Variants in EXOC6B observed in about 807,000 individuals in gnomAD.
The protein encoded by EXOC6B is SEC15 homolog B.
In EXOC6B, 54 loss-of-function variants were observed where a neutral mutation model predicts 113.5. The ratio of observed to expected loss-of-function variants is 0.48; its 90% CI spans 0.38 to 0.60. The LOEUF (loss-of-function observed/expected upper bound fraction) is 0.60, where lower values mean the gene tolerates loss of function less well. Among genes scored for constraint, EXOC6B ranks in the 20% least tolerant of loss-of-function variants. The probability of loss-of-function intolerance (pLI) is 0.00; values close to 1 mark genes in which losing one functional copy is unlikely to be tolerated. For synonymous variants in EXOC6B, 357 were observed against 339.0 expected (o/e 1.05, Z -0.58); for missense variants, 797 against 977.5 (o/e 0.82, Z 2.46).
At chr2:72,532,301 T>A (rs1379753626) in intron 8 of EXOC6B, among the ~76,000 whole-genome samples, 1 of 152,182 alleles carries the variant, frequency 6.6e-6, no homozygotes, top group East Asian at 1.9e-4. Flanking sequence ...ATTAACAATG[T>A]ACCATTTTTT....
chr2:72,504,464 T>A (rs1042816167), intron 11 of EXOC6B, among the ~76,000 whole-genome samples: 4 of 152,236 alleles, frequency 2.6e-5, no homozygotes, highest in Non-Finnish European at 5.9e-5. Context: ...AATTCATGAA[T>A]GCTATTGTAT....
intron 5 of EXOC6B, among the ~76,000 whole-genome samples, chr2:72,723,689 T>C (rs1402005863): frequency 6.6e-6 from 1 of 150,734 alleles, no homozygotes; most frequent in African/African-American, 2.4e-5. Flanking sequence ...GATGTTCAGA[T>C]GTCTTTCCCT....
intron 20 of EXOC6B, among the ~76,000 whole-genome samples, chr2:72,318,084 G>A (rs544460678): frequency 6.6e-6 from 1 of 152,278 alleles, no homozygotes; most frequent in South Asian, 2.1e-4. Flanking sequence ...TACCACTGGA[G>A]ACAAGCAAAG....
intron 6 of EXOC6B, among the ~76,000 whole-genome samples, chr2:72,699,503 G>A (rs902783216): frequency 7.3e-5 from 11 of 150,644 alleles, no homozygotes; most frequent in Non-Finnish European, 1.6e-4. Flanking sequence ...AAGAAAGAAA[G>A]TCAAACAATA....
intron 20 of EXOC6B, among the ~76,000 whole-genome samples, chr2:72,305,494 G>A (rs1456155368): frequency 6.6e-6 from 1 of 152,030 alleles, no homozygotes; most frequent in Non-Finnish European, 1.5e-5. Flanking sequence ...AGGTACCTGT[G>A]AATACTAAAA....
intron 18 of EXOC6B, among the ~76,000 whole-genome samples, chr2:72,457,343 T>C (rs1318784354): frequency 6.6e-6 from 1 of 152,084 alleles, no homozygotes; most frequent in East Asian, 1.9e-4. Flanking sequence ...TTTCAGAAAC[T>C]TTTATGTAGG....
Position 72,465,200 on chromosome 2 carries a change from G to C in EXOC6B, c.1940C>G (p.Ala647Gly). 6.2e-7 allele frequency: 1 copy of C among 1,612,236 alleles called. No homozygotes were observed. Among genetic ancestry groups the C allele is most frequent in the Non-Finnish European group, 8.5e-7 (1 of 1,179,208 alleles). Reference sequence around the variant, plus strand: ...TACAGCAAAGGTGCTACGAAGAAAGGCAATGAGGTCTACCAGGTAATCACT... The same window carrying C: ...TACAGCAAAGGTGCTACGAAGAAAGCCAATGAGGTCTACCAGGTAATCACT... ...KASDYLVDLI[A>G]FLRSTFAVFT... The change falls in exon 18 of 22, where the codon GCC becomes GGC. Residue 647 changes from alanine to glycine, a missense_variant. Physicochemically the swap from Ala to Gly is moderately conservative, Grantham distance 60. Transcript: ENST00000272427.
intron 11 of EXOC6B, among the ~76,000 whole-genome samples, chr2:72,507,010 T>C (rs1700630377): frequency 6.6e-6 from 1 of 152,134 alleles, no homozygotes; most frequent in Non-Finnish European, 1.5e-5. Context: ...AAGTAGATTA[T>C]GTAAGATCTT....
At chr2:72,478,008 T>G (rs970388560) in intron 17 of EXOC6B, among the ~76,000 whole-genome samples, 2 of 152,190 alleles carry the variant, frequency 1.3e-5, no homozygotes, top group African/African-American at 4.8e-5. Context: ...CTGAAACTTT[T>G]CCTAATTTGT....
chr2:72,788,419 T>A (rs1684493297), intron 1 of EXOC6B, among the ~76,000 whole-genome samples: 1 of 152,184 alleles, frequency 6.6e-6, no homozygotes, highest in Non-Finnish European at 1.5e-5. Flanking sequence ...GGGGTTCTTT[T>A]TTTGCTGTTG....
At chr2:72,577,467 T>A (rs1009609691) in intron 6 of EXOC6B, among the ~76,000 whole-genome samples, 1 of 151,994 alleles carries the variant, frequency 6.6e-6, no homozygotes, top group Non-Finnish European at 1.5e-5. Flanking sequence ...CTTAACTCTA[T>A]CCTCTTGCAG....
intron 18 of EXOC6B, among the ~76,000 whole-genome samples, chr2:72,431,562 C>T (rs972987145): frequency 6.7e-6 from 1 of 149,748 alleles, no homozygotes; most frequent in African/African-American, 2.5e-5. Flanking sequence ...TCTGTGTTGC[C>T]CAGACTGGTG....
rs112551396 is a variant in EXOC6B, at chr2:72,586,874, A to G, written c.670-11206T>C. Among the ~76,000 whole-genome samples the G allele has an allele frequency of 1.4e-4, 22 of 152,300 alleles. 2 individuals carry two copies. Among genetic ancestry groups the G allele is most frequent in the African/African-American group, 4.6e-4 (19 of 41,528 alleles). On this transcript the variant is annotated intron_variant, in intron 6 of 21. Transcript: ENST00000272427. ...AAACCACAATGAGGTACCATCTCAC[A>G]CCAGTCAGAATGGCTACTATTAAAA...
chr2:72,250,500 G>A (rs766561384), intron 20 of EXOC6B, among the ~76,000 whole-genome samples: 5 of 151,848 alleles, frequency 3.3e-5, no homozygotes, highest in Non-Finnish European at 7.4e-5. Flanking sequence ...ATGCCACCAG[G>A]CCTGGCTAAT....
chr2:72,685,576 TAG>T (rs1677031100), intron 6 of EXOC6B, among the ~76,000 whole-genome samples: 1 of 152,188 alleles, frequency 6.6e-6, no homozygotes, highest in Admixed American at 6.6e-5. Flanking sequence ...CAACCAGTAC[TAG>T]ATCCCCTTTA....
At chr2:72,416,631 GAA>G (rs1694543082) in intron 18 of EXOC6B, among the ~76,000 whole-genome samples, 2 of 152,110 alleles carry the variant, frequency 1.3e-5, no homozygotes, top group African/African-American at 4.8e-5. Flanking sequence ...TTCTCTTTGG[GAA>G]AAGTTTCCCA....
At chr2:72,461,818 A>T (rs908274105) in intron 18 of EXOC6B, 2 of 152,060 alleles carry the variant, frequency 1.3e-5, no homozygotes, top group African/African-American at 4.8e-5. Flanking sequence ...GTATGAAAAT[A>T]CCTATTTCCA....
At chr2:72,213,501 G>T (rs2104393945) in intron 20 of EXOC6B, among the ~76,000 whole-genome samples, 1 of 152,188 alleles carries the variant, frequency 6.6e-6, no homozygotes, top group South Asian at 2.1e-4. Flanking sequence ...CACCTTTCTG[G>T]ATTTAACAAT....
chr2:72,670,055 T>C (rs772818244), intron 6 of EXOC6B, among the ~76,000 whole-genome samples: 38 of 152,198 alleles, frequency 2.5e-4, no homozygotes, highest in Non-Finnish European at 4.3e-4. Flanking sequence ...CAAAAGTTGC[T>C]CACTAACTCA....
Sources: gnomAD v4.1 joint callset for allele counts (sites outside exome capture counted in the v4.1 genomes callset) on GRCh38, gnomAD v4.1.1 for gene constraint, MANE v1.5 for transcripts, NCBI Gene and HGNC (gene_info 2026-07-23, HGNC 2026-07-21) for gene names.